Variants in ERBB4 observed in about 807,000 individuals in gnomAD.
ERBB4 encodes erb-b2 receptor tyrosine kinase 4.
Under a neutral mutation model 158.0 loss-of-function variants are expected in ERBB4, and 42 were observed. That is an observed-to-expected ratio of 0.27 (90% CI 0.21 to 0.34). The LOEUF is 0.34. ERBB4 is among the 10% of genes least tolerant of loss of function. The pLI is 1.00. For missense variants in ERBB4, 1,333 were observed against 1,624.1 expected, an observed-to-expected ratio of 0.82 and a Z score of 3.08; for synonymous variants, 583 against 558.7, an observed-to-expected ratio of 1.04 and a Z score of -0.61.
chr2:212,364,937 GTTT>G (rs1219589667), intron 1 of ERBB4, among the ~76,000 whole-genome samples: 2 of 145,624 alleles, frequency 1.4e-5, no homozygotes, highest in Admixed American at 6.9e-5. Flanking sequence ...GTGTGTGTGT[GTTT>G]ATCAGACTGC....
At chr2:212,124,603 C>T (rs1282190324) in intron 2 of ERBB4, 149 bp downstream of exon 2, 5 of 789,156 alleles carry the variant, frequency 6.3e-6, no homozygotes, top group Non-Finnish European at 1.1e-5. Flanking sequence ...TTCCTGGGTG[C>T]GTTTCGCTAT....
chr2:211,843,539 T>C (rs766887242), intron 3 of ERBB4, among the ~76,000 whole-genome samples: 31 of 151,602 alleles, frequency 2.0e-4, no homozygotes, highest in Non-Finnish European at 1.9e-4. Flanking sequence ...TTATATAACT[T>C]TGAAGAGAAA....
rs531403340 is a variant in ERBB4 at position 212,026,280 on chromosome 2, T to C, written c.235-78664A>G. ...TATTTGAGTAAAAATATCACACATA[T>C]AGGTTTTTCAGTCACCTATAAGGTT... On this transcript the variant is annotated intron_variant, in intron 2 of 27. Coordinates refer to ENST00000342788, the MANE Select transcript of ERBB4 (RefSeq NM_005235.3). Among the ~76,000 whole-genome samples, 39 of 151,868 alleles carry C rather than the reference T, an allele frequency of 2.6e-4. 1 individual carries two copies. The South Asian group carries it at 6.2e-3, about 24-fold the overall frequency.
chr2:212,390,702 C>T (rs1290993665), intron 1 of ERBB4, among the ~76,000 whole-genome samples: 1 of 151,770 alleles, frequency 6.6e-6, no homozygotes, highest in Non-Finnish European at 1.5e-5. Flanking sequence ...CCAGGACACT[C>T]CTCAAAAGAC....
rs370358958 is a variant in ERBB4 at position 211,633,672 on chromosome 2, T to G, written c.1947-3078A>C. On this transcript the variant is annotated intron_variant, in intron 16 of 27. Coordinates refer to ENST00000342788, the MANE Select transcript of ERBB4 (RefSeq NM_005235.3). Reference sequence around the variant, plus strand: ...AATTAATCACAATCTGCTCTTATAATTTTGACATTCACTTTAAAACTCCAA... The same window carrying G: ...AATTAATCACAATCTGCTCTTATAAGTTTGACATTCACTTTAAAACTCCAA... 8.7e-5 allele frequency among the ~76,000 whole-genome samples: 13 copies of G among 148,914 alleles called. No homozygotes were observed. The South Asian group carries it at 2.8e-3, about 32-fold the overall frequency.
intron 2 of ERBB4, among the ~76,000 whole-genome samples, chr2:211,970,946 G>T (rs936370678): frequency 1.3e-5 from 2 of 152,090 alleles, no homozygotes; most frequent in Admixed American, 1.3e-4. Context: ...GTGCAGACTT[G>T]TTTATGTGGT....
At chr2:212,248,503 T>C (rs534641324) in intron 1 of ERBB4, among the ~76,000 whole-genome samples, 2 of 152,302 alleles carry the variant, frequency 1.3e-5, no homozygotes, top group East Asian at 1.9e-4. Flanking sequence ...CCATGCTGTA[T>C]ATGATTCTTA....
intron 3 of ERBB4, among the ~76,000 whole-genome samples, chr2:211,938,751 G>A (rs374623500): frequency 3.9e-5 from 6 of 152,240 alleles, no homozygotes; most frequent in Middle Eastern, 3.4e-3. Context: ...TATTTACTGA[G>A]AGAAGACAAG....
chr2:212,484,214 T>C (rs1251864744), intron 1 of ERBB4, among the ~76,000 whole-genome samples: 1 of 152,238 alleles, frequency 6.6e-6, no homozygotes, highest in East Asian at 1.9e-4. Context: ...AAAATACTTG[T>C]TTCATTTAAC....
Position 211,434,882 on chromosome 2 carries a change from A to T in ERBB4, c.2488-3782T>A, listed in dbSNP as rs534099372. ...GGTTGCTTTGTAACTATGAAACATC[A>T]TTATACAGATGCACGCTTTCAAATC... On this transcript the variant is annotated intron_variant, in intron 20 of 27. Coordinates refer to ENST00000342788, the MANE Select transcript of ERBB4 (RefSeq NM_005235.3). Among the ~76,000 whole-genome samples, 3 of 152,334 alleles carry T rather than the reference A, an allele frequency of 2.0e-5. No individual in the cohort carries two copies. In the East Asian group the frequency reaches 5.8e-4, roughly 29 times the overall value.
chr2:211,690,494 G>A (rs146296139), intron 12 of ERBB4, among the ~76,000 whole-genome samples: 1 of 152,228 alleles, frequency 6.6e-6, no homozygotes, highest in African/African-American at 2.4e-5. Flanking sequence ...CCCAATTTCA[G>A]AGCAGTTTCG....
At chr2:211,916,235 G>A (rs1056330946) in intron 3 of ERBB4, among the ~76,000 whole-genome samples, 4 of 151,900 alleles carry the variant, frequency 2.6e-5, no homozygotes, top group African/African-American at 9.7e-5. Context: ...GCTGGAGTGT[G>A]GTGGTGCGGT....
At chr2:211,902,897 T>G (rs942371953) in intron 3 of ERBB4, among the ~76,000 whole-genome samples, 2 of 152,096 alleles carry the variant, frequency 1.3e-5, no homozygotes. Context: ...ATTTTACTAT[T>G]TAATATATAA....
chr2:211,620,134 G>T (rs2069542700), intron 18 of ERBB4, among the ~76,000 whole-genome samples: 1 of 152,042 alleles, frequency 6.6e-6, no homozygotes, highest in Admixed American at 6.5e-5. Context: ...GACATACAAG[G>T]ATGCACAGGT....
intron 21 of ERBB4, among the ~76,000 whole-genome samples, chr2:211,429,238 C>T (rs1409196663): frequency 1.3e-5 from 2 of 151,946 alleles, no homozygotes; most frequent in African/African-American, 4.8e-5. Context: ...TCCCTTTTCA[C>T]CCTCAGACAC....
intron 1 of ERBB4, among the ~76,000 whole-genome samples, chr2:212,132,507 G>A (rs929835181): frequency 2.0e-5 from 3 of 152,142 alleles, no homozygotes; most frequent in East Asian, 1.9e-4. Context: ...GTGCAGGCAC[G>A]GATAGAATAA....
chr2:211,796,003 C>T (rs2076374948), intron 3 of ERBB4, among the ~76,000 whole-genome samples: 1 of 151,778 alleles, frequency 6.6e-6, no homozygotes, highest in Non-Finnish European at 1.5e-5. Flanking sequence ...AAATGTAAAG[C>T]TTTTTAAGAA....
Position 211,984,889 on chromosome 2 carries a change from A to T in ERBB4, c.235-37273T>A, listed in dbSNP as rs191502451. 2.6e-3 allele frequency among the ~76,000 whole-genome samples: 389 copies of T among 151,988 alleles called. 4 individuals carry two copies. Among genetic ancestry groups the T allele is most frequent in the African/African-American group, 9.0e-3 (372 of 41,470 alleles). On this transcript the variant is annotated intron_variant, in intron 2 of 27. Coordinates refer to ENST00000342788, the MANE Select transcript of ERBB4 (RefSeq NM_005235.3). ...AGGTGCCCACCGCCATGCCCAGCTA[A>T]TTTTTTATTTATTTATTTTTTTAGT...
intron 18 of ERBB4, among the ~76,000 whole-genome samples, chr2:211,623,492 G>T (rs2069715008): frequency 6.6e-6 from 1 of 152,238 alleles, no homozygotes; most frequent in Non-Finnish European, 1.5e-5. Context: ...GGATCCTGAT[G>T]GAGAGGCGTT....
Sources: gnomAD v4.1 joint callset for allele counts (sites outside exome capture counted in the v4.1 genomes callset) on GRCh38, gnomAD v4.1.1 for gene constraint, MANE v1.5 for transcripts, NCBI Gene and HGNC (gene_info 2026-07-23, HGNC 2026-07-21) for gene names.